The following TPD52 variants were observed in gnomAD, a reference collection of about 807,000 sequenced individuals.
The protein encoded by TPD52 is prostate and colon associated protein.
TPD52 carries 17 observed loss-of-function variants against 31.3 expected under a neutral mutation model. The observed-to-expected ratio is 0.54, with a 90% CI of 0.37 to 0.82. The LOEUF (loss-of-function observed/expected upper bound fraction) is 0.82. TPD52 is among the 40% of genes least tolerant of loss of function. The pLI is 0.00. For missense variants in TPD52, 212 were observed against 240.1 expected, an observed-to-expected ratio of 0.88 and a Z score of 0.77; for synonymous variants, 83 against 89.6, an observed-to-expected ratio of 0.93 and a Z score of 0.42.
intron 2 of TPD52, among the ~76,000 whole-genome samples, chr8:80,056,891 G>T (rs1811950680): frequency 6.6e-6 from 1 of 152,118 alleles, no homozygotes; most frequent in Admixed American, 6.5e-5. Flanking sequence ...CATCCAGGCT[G>T]GGTGCAATGG....
intron 1 of TPD52, among the ~76,000 whole-genome samples, chr8:80,074,971 G>A (rs1814351887): frequency 6.6e-6 from 1 of 151,956 alleles, no homozygotes; most frequent in Non-Finnish European, 1.5e-5. Flanking sequence ...ACAATGTCTG[G>A]GTTATTTTTT....
chr8:80,051,295 C>T (rs1488804222), intron 4 of TPD52: 1 of 534,646 alleles, frequency 1.9e-6, no homozygotes, highest in African/African-American at 2.0e-5. Context: ...AAGTTCACAA[C>T]CAGAATTTTT....
chr8:80,071,021 CAG>C (rs1055080451), intron 1 of TPD52, among the ~76,000 whole-genome samples: 2 of 152,126 alleles, frequency 1.3e-5, no homozygotes, highest in African/African-American at 4.8e-5. Context: ...GCGCAAAGCA[CAG>C]AGAACACGCA....
intron 1 of TPD52, among the ~76,000 whole-genome samples, chr8:80,097,669 G>A (rs57489716): frequency 1.3e-5 from 2 of 152,006 alleles, no homozygotes; most frequent in South Asian, 2.1e-4. Flanking sequence ...CTTCCTGTAC[G>A]GTCTGTGAAA....
chr8:80,103,523 T>C (rs1806893515), intron 1 of TPD52, among the ~76,000 whole-genome samples: 1 of 152,240 alleles, frequency 6.6e-6, no homozygotes, highest in South Asian at 2.1e-4. Flanking sequence ...TAAGATTTTC[T>C]TTTATCAGAT....
chr8:80,108,166 G>C (rs532498266), intron 1 of TPD52, among the ~76,000 whole-genome samples: 7 of 152,102 alleles, frequency 4.6e-5, no homozygotes, highest in Non-Finnish European at 1.0e-4. Flanking sequence ...AAATGCTTTC[G>C]GCTCAAAGCA....
chr8:80,067,206 T>C (rs1813253959), intron 1 of TPD52: 1 of 152,218 alleles, frequency 6.6e-6, no homozygotes, highest in South Asian at 2.1e-4. Flanking sequence ...GAAAAGAGGA[T>C]GACGGGTTGT....
chr8:80,050,551 C>T lies in TPD52; in HGVS notation c.387-80G>A, dbSNP rs1586157856. ...ACAATTAAATAACCTAAGTTTTAAA[C>T]ATATAATGTTTTCCCTGGGCTCTAA... is the stretch of plus-strand genomic sequence containing the variant. On this transcript the variant is annotated intron_variant, in intron 4 of 7. Transcript: ENST00000518937. The T allele has an allele frequency of 2.8e-6, 4 of 1,423,430 alleles. No homozygotes were observed. The East Asian group carries it at 1.0e-4, about 35-fold the overall frequency. The allele number at this position is 1,423,430 out of a possible 1,614,324, so 88.2% of individuals were successfully genotyped here.
At chr8:80,061,919 A>T (rs1304797150) in intron 2 of TPD52, among the ~76,000 whole-genome samples, 1 of 152,216 alleles carries the variant, frequency 6.6e-6, no homozygotes, top group Non-Finnish European at 1.5e-5. Flanking sequence ...GCTAAAGTAA[A>T]ATAAGAACTA....
chr8:80,136,180 T>TA (rs1217409264), intron 1 of TPD52, among the ~76,000 whole-genome samples: 19 of 127,678 alleles, frequency 1.5e-4, no homozygotes, highest in East Asian at 5.3e-4. Flanking sequence ...TCTTTGAGGT[T>TA]AAAAAAAAAA....
intron 1 of TPD52, among the ~76,000 whole-genome samples, chr8:80,096,098 A>C (rs1386955194): frequency 1.3e-5 from 2 of 152,164 alleles, no homozygotes; most frequent in Non-Finnish European, 2.9e-5. Flanking sequence ...TCTATGAAAA[A>C]TACAAAAATT....
intron 1 of TPD52, among the ~76,000 whole-genome samples, chr8:80,083,013 C>T (rs1815442576): frequency 6.6e-6 from 1 of 151,976 alleles, no homozygotes; most frequent in African/African-American, 2.4e-5. Context: ...TTCTAGCCTA[C>T]AAGAAAAGTG....
Position 80,086,118 on chromosome 8 carries a change from T to G in TPD52, c.20-21525A>C, listed in dbSNP as rs202115136. Among the ~76,000 whole-genome samples the G allele has an allele frequency of 1.3e-4, 9 of 67,948 alleles. No homozygotes were observed. In the South Asian group the frequency reaches 2.8e-3, roughly 21 times the overall value. The allele number at this position is 67,948 out of a possible 152,430, so 44.6% of individuals were successfully genotyped here. Reference sequence around the variant, plus strand: ...TTTTTTTGCTTTTTTTTTTTTTTAGTTTTTTTTTTTTTTTTTTTGAGACGG... The same window carrying G: ...TTTTTTTGCTTTTTTTTTTTTTTAGGTTTTTTTTTTTTTTTTTTGAGACGG... On this transcript the variant is annotated intron_variant, in intron 1 of 7. Coordinates refer to ENST00000518937, the MANE Select transcript of TPD52 (RefSeq NM_001025253.3).
chr8:80,078,254 T>C (rs1038700006), intron 1 of TPD52, among the ~76,000 whole-genome samples: 25 of 152,222 alleles, frequency 1.6e-4, no homozygotes, highest in Non-Finnish European at 5.9e-5. Context: ...TTTGGATAAA[T>C]ATCAGAGATA....
intron 1 of TPD52, among the ~76,000 whole-genome samples, chr8:80,099,379 C>T (rs1198037393): frequency 6.6e-6 from 1 of 152,024 alleles, no homozygotes; most frequent in Admixed American, 6.6e-5. Flanking sequence ...AACAAACAAA[C>T]AAAAAACACA....
intron 1 of TPD52, among the ~76,000 whole-genome samples, chr8:80,075,180 T>C (rs1352589029): frequency 6.6e-6 from 1 of 152,112 alleles, no homozygotes; most frequent in African/African-American, 2.4e-5. Context: ...GGGTTCACCA[T>C]GTTGGCCAGG....
chr8:80,055,868 TCAAAAAAC>T (rs1421765824), intron 2 of TPD52, among the ~76,000 whole-genome samples: 5 of 152,084 alleles, frequency 3.3e-5, no homozygotes, highest in Non-Finnish European at 7.4e-5. Flanking sequence ...ATGCCTGTTA[TCAAAAAAC>T]CAAAAAATAA....
At chr8:80,083,613 CTGCCATGATTGTA>C (rs1157524494) in intron 1 of TPD52, among the ~76,000 whole-genome samples, 2 of 152,168 alleles carry the variant, frequency 1.3e-5, no homozygotes, top group African/African-American at 4.8e-5. Flanking sequence ...GTGGTGCCTT[CTGCCATGATTGTA>C]AGTTTCCTGA....
At position 80,154,745 on chromosome 8, in the gene TPD52, ACAC is replaced by A. The variant is rs1456319958; in HGVS notation, c.19+16677_19+16679del. ...CACACACACACACACACACACACAC[ACAC>A]ACACAAAACACCTACATTAGCTTTG... On this transcript the variant is annotated intron_variant, in intron 1 of 7. Coordinates refer to ENST00000518937, the MANE Select transcript of TPD52 (RefSeq NM_001025253.3). Among the ~76,000 whole-genome samples the A allele has an allele frequency of 6.4e-3, 438 of 68,290 alleles. 3 individuals carry two copies. The highest frequency in any genetic ancestry group is 0.014 in the African/African-American group (399 of 29,270). The allele number at this position is 68,290 out of a possible 152,430, so 44.8% of individuals were successfully genotyped here.
Sources: gnomAD v4.1 joint callset for allele counts (sites outside exome capture counted in the v4.1 genomes callset) on GRCh38, gnomAD v4.1.1 for gene constraint, MANE v1.5 for transcripts, NCBI Gene and HGNC (gene_info 2026-07-23, HGNC 2026-07-21) for gene names.